Variants in PCDHA5 observed in about 807,000 individuals in gnomAD.
The protein encoded by PCDHA5 is protocadherin alpha-5.
A neutral mutation model predicts 61.6 loss-of-function variants in PCDHA5; 43 were observed. That is an observed-to-expected ratio of 0.70 (90% CI 0.55 to 0.90). The LOEUF (loss-of-function observed/expected upper bound fraction) is 0.90, where lower values mean the gene tolerates loss of function less well. Ranked by LOEUF, PCDHA5 falls within the 40% of genes least tolerant of loss-of-function variation. The pLI is 0.00. For synonymous variants in PCDHA5, 627 were observed against 543.9 expected, an observed-to-expected ratio of 1.15 and a Z score of -2.13; for missense variants, 1,298 against 1,222.7, an observed-to-expected ratio of 1.06 and a Z score of -0.92.
In PCDHA5 at chr5:140,876,240, A is replaced by G. The variant is rs375639572; in HGVS notation, c.2352+52113A>G. 7.0e-5 allele frequency: 113 copies of G among 1,613,906 alleles called. No homozygotes were observed. The highest frequency in any genetic ancestry group is 8.3e-5 in the Admixed American group (5 of 60,008). Reference sequence around the variant, plus strand: ...AAGTAGTGTTGTCTGAAAATGTCCAAAACGACACAAGAGTGATCCAACTAA... The same window carrying G: ...AAGTAGTGTTGTCTGAAAATGTCCAGAACGACACAAGAGTGATCCAACTAA... On this transcript the variant is annotated intron_variant, in intron 1 of 3. Coordinates refer to ENST00000529859, the MANE Select transcript of PCDHA5 (RefSeq NM_018908.3).
At chr5:140,941,255 C>CTTTT (rs782490896) in intron 1 of PCDHA5, among the ~76,000 whole-genome samples, 1 of 44,504 alleles carries the variant, frequency 2.2e-5, no homozygotes, top group Non-Finnish European at 5.1e-5. Flanking sequence ...TTCTTTCTTT[C>CTTTT]TCTTTCTTTC....
rs921095598 is a variant in PCDHA5 at position 140,929,476 on chromosome 5, T to C, written c.2353-49473T>C. 1.0e-5 allele frequency: 13 copies of C among 1,254,174 alleles called. No individual in the cohort carries two copies. In the African/African-American group the frequency reaches 2.0e-4, roughly 19 times the overall value. 77.7% of individuals were successfully genotyped at this position (1,254,174 alleles called of 1,614,324 possible). On this transcript the variant is annotated intron_variant, in intron 1 of 3. Coordinates refer to ENST00000529859, the MANE Select transcript of PCDHA5 (RefSeq NM_018908.3). ...CTTCCTGTGCCAAGAAATCTGGAAG[T>C]ATAGAAGTATTAGAAGATTGCCCTA...
chr5:140,876,055 G>A (rs782670279), intron 1 of PCDHA5: 2 of 1,613,934 alleles, frequency 1.2e-6, no homozygotes, highest in Non-Finnish European at 1.7e-6. Context: ...GCCTGAATTA[G>A]TTCTTCGGAA....
intron 1 of PCDHA5, chr5:140,881,309 G>C (rs535656328): frequency 1.0e-6 from 1 of 975,612 alleles, no homozygotes; most frequent in East Asian, 1.1e-4. Context: ...TTAACCTCCT[G>C]GTTAAATTCT....
chr5:140,904,738 A>T (rs1373664313), intron 1 of PCDHA5, among the ~76,000 whole-genome samples: 1 of 152,012 alleles, frequency 6.6e-6, no homozygotes, highest in African/African-American at 2.4e-5. Context: ...TTATTTTTTT[A>T]TTATGACCAT....
intron 1 of PCDHA5, 53 bp from the exon 2 acceptor site, chr5:140,978,895 TG>T: frequency 6.2e-7 from 1 of 1,612,992 alleles, no homozygotes; most frequent in Non-Finnish European, 8.5e-7. Context: ...GCAGCATTCC[TG>T]GGAGAACATT....
intron 1 of PCDHA5, among the ~76,000 whole-genome samples, chr5:140,940,207 G>C (rs1554213216): frequency 2.6e-5 from 4 of 152,094 alleles, no homozygotes; most frequent in Non-Finnish European, 5.9e-5. Context: ...TAAAATTCAA[G>C]ATTGGCATTT....
At chr5:140,861,739 G>A (rs2047048069) in intron 1 of PCDHA5, 3 of 159,798 alleles carry the variant, frequency 1.9e-5, no homozygotes, top group Admixed American at 1.3e-4. Context: ...CTTACATACT[G>A]TGCCGCAATG....
rs2150237925 is a variant in PCDHA5 at position 140,835,548 on chromosome 5, C to T, written c.2352+11421C>T. The T allele has an allele frequency of 3.1e-6, 5 of 1,613,950 alleles. No individual in the cohort carries two copies. The South Asian group carries it at 3.3e-5, about 11-fold the overall frequency. On this transcript the variant is annotated intron_variant, in intron 1 of 3. Transcript: ENST00000529859. The stretch of plus-strand genomic sequence containing the variant: ...AGTCAACGGACAGGTTACCTGCTCC[C>T]TGACGCCCCGCGTTCCCTTCAAGTT...
intron 1 of PCDHA5, among the ~76,000 whole-genome samples, chr5:140,976,117 G>C (rs782098917): frequency 5.4e-4 from 82 of 152,208 alleles, no homozygotes; most frequent in Admixed American, 1.4e-3. Flanking sequence ...ATTTTTCCAA[G>C]TTTAATCAAG....
At chr5:140,894,527 G>T (rs1184887485) in intron 1 of PCDHA5, among the ~76,000 whole-genome samples, 1 of 151,472 alleles carries the variant, frequency 6.6e-6, no homozygotes, top group African/African-American at 2.4e-5. Flanking sequence ...ATGCTGTTAT[G>T]TGCCTTCTGG....
chr5:140,943,476 AAAT>A (rs1167849813), intron 1 of PCDHA5, among the ~76,000 whole-genome samples: 3 of 152,134 alleles, frequency 2.0e-5, no homozygotes, highest in Non-Finnish European at 2.9e-5. Context: ...AGATACAGTA[AAAT>A]AATAAATAGA....
Position 140,851,725 on chromosome 5 carries a change from G to A in PCDHA5, c.2352+27598G>A. On this transcript the variant is annotated intron_variant, in intron 1 of 3. Coordinates refer to ENST00000529859, the MANE Select transcript of PCDHA5 (RefSeq NM_018908.3). The stretch of plus-strand genomic sequence containing the variant: ...GCCATGTGAAGATTCGAAACTTCGA[G>A]TTCTTTTGAAATTCAGAGTCTGTAA... 2.1e-6 allele frequency: 2 copies of A among 968,614 alleles called. 1 individual carries two copies. The highest frequency in any genetic ancestry group is 9.6e-5 in the South Asian group (2 of 20,926). The allele number at this position is 968,614 out of a possible 1,614,324, so 60.0% of individuals were successfully genotyped here.
At position 140,823,656 on chromosome 5, in the gene PCDHA5, A is replaced by G. The variant is rs2150127966; in HGVS notation, c.1881A>G (p.Thr627=). The change falls in exon 1 of 4, where the codon ACA becomes ACG. Residue 627 remains threonine, a synonymous_variant. Transcript: ENST00000529859. The part of the protein sequence containing the change: ...ARIPFRVGLY[T]GEISTTRSLD... ...TCCCGTTCCGCGTGGGGCTGTACAC[A>G]GGCGAGATCAGCACAACACGCTCTC... 1.2e-6 allele frequency: 2 copies of G among 1,613,972 alleles called. No individual in the cohort carries two copies. Among genetic ancestry groups the G allele is most frequent in the Non-Finnish European group, 1.7e-6 (2 of 1,179,896 alleles).
intron 1 of PCDHA5, chr5:140,929,046 C>CT (rs1229193922): frequency 6.2e-7 from 1 of 1,614,206 alleles, no homozygotes; most frequent in Non-Finnish European, 8.5e-7. Flanking sequence ...CTCAGAGCTG[C>CT]TGTCGCTCTA....
chr5:140,823,064 G>T lies in PCDHA5; in HGVS notation c.1289G>T (p.Gly430Val), dbSNP rs2150121897. The T allele has an allele frequency of 6.2e-7, 1 of 1,614,062 alleles. No individual in the cohort carries two copies. Among genetic ancestry groups the T allele is most frequent in the Non-Finnish European group, 8.5e-7 (1 of 1,180,040 alleles). The change falls in exon 1 of 4, where the codon GGC (glycine) becomes GTC (valine). Residue 430 changes from glycine to valine, a missense_variant. By Grantham distance (109) the Gly-to-Val change is moderately radical. Coordinates refer to ENST00000529859, the MANE Select transcript of PCDHA5 (RefSeq NM_018908.3). ...CTGGTGGTGACCGCGCGGGACGGGG[G>T]CTCGCCTTCGCTGTGGGCCACCGCC... ...YELVVTARDG[G>V]SPSLWATASV...
intron 1 of PCDHA5, among the ~76,000 whole-genome samples, chr5:140,898,157 G>T (rs1455235992): frequency 2.6e-5 from 4 of 152,162 alleles, no homozygotes; most frequent in African/African-American, 7.2e-5. Flanking sequence ...CACGCTGATG[G>T]TGGTTTCTTT....
chr5:140,852,008 A>G (rs566042388), intron 1 of PCDHA5: 1 of 972,776 alleles, frequency 1.0e-6, no homozygotes, highest in South Asian at 4.8e-5. Flanking sequence ...TTTCTAATTT[A>G]TAGTTTTAAA....
At chr5:140,953,952 C>T (rs1025145135) in intron 1 of PCDHA5, among the ~76,000 whole-genome samples, 1 of 152,084 alleles carries the variant, frequency 6.6e-6, no homozygotes, top group Non-Finnish European at 1.5e-5. Context: ...GCTCCCCCAA[C>T]AGGCCCCAGT....
Sources: allele counts gnomAD v4.1 joint callset (sites outside exome capture counted in the v4.1 genomes callset), GRCh38; gene constraint gnomAD v4.1.1; transcripts MANE v1.5; gene names NCBI Gene and HGNC (gene_info 2026-07-23, HGNC 2026-07-21).